Variants in CERS3 observed in about 807,000 individuals in gnomAD.
The protein encoded by CERS3 is ceramide synthase 3, also known as LAG1 homolog, ceramide synthase 3.
CERS3 carries 33 observed loss-of-function variants against 50.3 expected under a neutral mutation model. That is an observed-to-expected ratio of 0.66 (90% CI 0.50 to 0.88). CERS3 has a LOEUF of 0.88. Ranked by LOEUF, CERS3 falls within the 40% of genes least tolerant of loss-of-function variation. CERS3 has a pLI of 0.00. For missense variants in CERS3, 470 were observed against 460.3 expected, an observed-to-expected ratio of 1.02 and a Z score of -0.19; for synonymous variants, 176 against 155.2, an observed-to-expected ratio of 1.13 and a Z score of -0.99.
At chr15:100,524,634 A>T (rs1177598149) in intron 1 of CERS3, among the ~76,000 whole-genome samples, 1 of 152,222 alleles carries the variant, frequency 6.6e-6, no homozygotes, top group Admixed American at 6.5e-5. Context: ...ACATTTGTTC[A>T]GCATCAGCAT....
chr15:100,503,862 A>G (rs920702638), intron 2 of CERS3: 6 of 422,660 alleles, frequency 1.4e-5, no homozygotes, highest in Admixed American at 2.5e-5. Context: ...TGGGATGCAA[A>G]TCGGGTAGAG....
chr15:100,468,717 A>T (rs1479572446), intron 10 of CERS3, among the ~76,000 whole-genome samples: 2 of 152,218 alleles, frequency 1.3e-5, no homozygotes, highest in African/African-American at 2.4e-5. Flanking sequence ...CAACACATGG[A>T]ACATTATGCT....
In CERS3 at chr15:100,490,804, A is replaced by T. The variant is rs1315607809; in HGVS notation, c.288+13T>A. ...AAGATTTTTAAGTCGAAAAGCAAAG[A>T]ATTTGTACTTACTTGCAATGGTTGC... On this transcript the variant is annotated intron_variant, in intron 4 of 11. Transcript: ENST00000679737. The T allele has an allele frequency of 7.3e-6, 11 of 1,514,154 alleles. No individual in the cohort carries two copies. In the South Asian group the frequency reaches 1.1e-4, roughly 16 times the overall value. The allele number at this position is 1,514,154 out of a possible 1,614,324, so 93.8% of individuals were successfully genotyped here.
At chr15:100,491,352 T>G (rs948623198) in intron 3 of CERS3, among the ~76,000 whole-genome samples, 2 of 152,166 alleles carry the variant, frequency 1.3e-5, no homozygotes, top group African/African-American at 4.8e-5. Context: ...GGCACAACTC[T>G]AGGGCAAATA....
rs2035013835 is a variant in CERS3, at chr15:100,472,944, C to T, written c.718G>A (p.Val240Met). ...SGTLVMIVHD[V>M]ADIWLESAKM... ...TTTACCTCCAGCCAAATGTCAGCCA[C>T]ATCGTGTACAATCATCACGAGGGTC... Residue 240 changes from valine to methionine, a missense_variant, in exon 9 of 12, where the codon GTG becomes ATG. Physicochemically the swap from Val to Met is conservative, Grantham distance 21. Coordinates refer to ENST00000679737, the MANE Select transcript of CERS3 (RefSeq NM_001378789.1). 2 of 1,613,900 alleles carry T rather than the reference C, an allele frequency of 1.2e-6. No individual in the cohort carries two copies. The highest frequency in any genetic ancestry group is 1.3e-5 in the African/African-American group (1 of 74,904).
chr15:100,536,761 G>A (rs974450704), intron 1 of CERS3, among the ~76,000 whole-genome samples: 1 of 152,134 alleles, frequency 6.6e-6, no homozygotes, highest in Non-Finnish European at 1.5e-5. Context: ...ACACTGGGCT[G>A]GGCACCTCAG....
At chr15:100,421,082 G>A (rs2032389125) in intron 11 of CERS3, among the ~76,000 whole-genome samples, 1 of 149,946 alleles carries the variant, frequency 6.7e-6, no homozygotes, top group Admixed American at 6.7e-5. Flanking sequence ...GTTCTGGCCA[G>A]GGCAATTAGG....
At chr15:100,474,122 T>C (rs1413508417) in intron 8 of CERS3, among the ~76,000 whole-genome samples, 1 of 68,520 alleles carries the variant, frequency 1.5e-5, no homozygotes, top group African/African-American at 4.6e-5. Flanking sequence ...TGCCAGGGGC[T>C]GGGGAGGTTG....
chr15:100,519,433 T>C (rs1373163706), intron 2 of CERS3, among the ~76,000 whole-genome samples: 1 of 71,892 alleles, frequency 1.4e-5, no homozygotes, highest in African/African-American at 4.2e-5. Flanking sequence ...AGAAATGTTC[T>C]GAAAAAAAAG....
At chr15:100,536,163 T>C (rs28706183) in intron 1 of CERS3, among the ~76,000 whole-genome samples, 18,656 of 65,646 alleles carry the variant, frequency 0.28, 5,087 homozygotes, top group South Asian at 0.38. Context: ...CATATGTGCA[T>C]GGGAAGTGGG....
At chr15:100,541,475 A>G (rs1222377074) in intron 1 of CERS3, among the ~76,000 whole-genome samples, 1 of 152,206 alleles carries the variant, frequency 6.6e-6, no homozygotes, top group Non-Finnish European at 1.5e-5. Context: ...CCATCTTAAA[A>G]AAAAAAAGTG....
At chr15:100,476,280 T>C in intron 7 of CERS3, 102 bp from the exon 8 acceptor site, 1 of 579,310 alleles carries the variant, frequency 1.7e-6, no homozygotes, top group African/African-American at 2.0e-5. Context: ...TCCCACCAGA[T>C]TCCATAAAAT....
intron 11 of CERS3, among the ~76,000 whole-genome samples, chr15:100,438,332 A>G (rs754351524): frequency 2.6e-5 from 4 of 152,060 alleles, no homozygotes; most frequent in African/African-American, 9.7e-5. Context: ...GTCATAAGCC[A>G]CTGTGCCCGG....
intron 11 of CERS3, among the ~76,000 whole-genome samples, chr15:100,452,844 G>T (rs754323173): frequency 6.6e-5 from 10 of 151,958 alleles, no homozygotes; most frequent in Non-Finnish European, 1.5e-5. Context: ...GAAATATAAA[G>T]ATTATCAGAA....
At chr15:100,407,893 C>T (rs112711897) in intron 11 of CERS3, among the ~76,000 whole-genome samples, 14,377 of 151,988 alleles carry the variant, frequency 0.095, 1,123 homozygotes, top group African/African-American at 0.22. Context: ...TATTTTGAGA[C>T]GGAGTTTTGT....
intron 11 of CERS3, among the ~76,000 whole-genome samples, chr15:100,404,576 T>C (rs754014786): frequency 6.6e-6 from 1 of 152,174 alleles, no homozygotes; most frequent in Non-Finnish European, 1.5e-5. Context: ...TTCCACGCAA[T>C]ACTAATCAAT....
At chr15:100,418,230 G>A (rs1227406671) in intron 11 of CERS3, among the ~76,000 whole-genome samples, 2 of 152,190 alleles carry the variant, frequency 1.3e-5, no homozygotes, top group East Asian at 3.9e-4. Context: ...ACAGAGAAGG[G>A]CTTAAAGGAG....
intron 1 of CERS3, among the ~76,000 whole-genome samples, chr15:100,540,332 C>T (rs991490446): frequency 1.3e-5 from 2 of 152,210 alleles, no homozygotes; most frequent in African/African-American, 4.8e-5. Context: ...CACCTGAGGT[C>T]AGGAGTTCGA....
At chr15:100,522,327 T>C (rs2036662742) in intron 1 of CERS3, among the ~76,000 whole-genome samples, 1 of 152,230 alleles carries the variant, frequency 6.6e-6, no homozygotes, top group Non-Finnish European at 1.5e-5. Context: ...CCATGCTTTC[T>C]ACCTAACCAG....
Sources: allele counts gnomAD v4.1 joint callset (sites outside exome capture counted in the v4.1 genomes callset), GRCh38; gene constraint gnomAD v4.1.1; transcripts MANE v1.5; gene names NCBI Gene and HGNC (gene_info 2026-07-23, HGNC 2026-07-21).